The following LRFN2 variants were observed in gnomAD, a reference collection of about 807,000 sequenced individuals.
The protein encoded by LRFN2 is leucine rich repeat and fibronectin type III domain containing 2.
A neutral mutation model predicts 37.3 loss-of-function variants in LRFN2; 18 were observed. The ratio of observed to expected loss-of-function variants is 0.48; its 90% CI spans 0.33 to 0.72. The LOEUF (loss-of-function observed/expected upper bound fraction) is 0.72, where lower values mean the gene tolerates loss of function less well. Among genes scored for constraint, LRFN2 ranks in the 30% least tolerant of loss-of-function variants. The pLI is 0.02. For missense variants in LRFN2, 1,006 were observed against 1,060.7 expected (o/e 0.95, Z 0.72); for synonymous variants, 556 against 466.6 (o/e 1.19, Z -2.47).
intron 1 of LRFN2, among the ~76,000 whole-genome samples, chr6:40,539,882 A>G (rs1199252372): frequency 6.6e-6 from 1 of 151,800 alleles, no homozygotes; most frequent in Non-Finnish European, 1.5e-5. Context: ...ATGATTCCTG[A>G]CTCAGTTTCT....
intron 2 of LRFN2, among the ~76,000 whole-genome samples, chr6:40,404,006 C>G (rs993689426): frequency 3.3e-5 from 5 of 152,202 alleles, no homozygotes; most frequent in Non-Finnish European, 7.3e-5. Context: ...TGGCTGTTCC[C>G]TCTGCCTGGA....
chr6:40,497,509 T>C (rs1765261349), intron 1 of LRFN2, among the ~76,000 whole-genome samples: 1 of 152,220 alleles, frequency 6.6e-6, no homozygotes, highest in African/African-American at 2.4e-5. Flanking sequence ...GCACTCTGTT[T>C]TCTTCTTTTC....
At chr6:40,425,800 C>T (rs1763340412) in intron 2 of LRFN2, among the ~76,000 whole-genome samples, 1 of 152,248 alleles carries the variant, frequency 6.6e-6, no homozygotes, top group Non-Finnish European at 1.5e-5. Flanking sequence ...GCAGCCAGGA[C>T]TGTTAAATAA....
chr6:40,490,511 AT>A (rs1199786665), intron 1 of LRFN2, among the ~76,000 whole-genome samples: 16 of 152,176 alleles, frequency 1.1e-4, no homozygotes, highest in African/African-American at 3.9e-4. Flanking sequence ...AGGGGAAAAG[AT>A]TTTCAAGGCA....
chr6:40,444,963 A>G (rs563135336), intron 1 of LRFN2, among the ~76,000 whole-genome samples: 1 of 151,806 alleles, frequency 6.6e-6, no homozygotes, highest in South Asian at 2.1e-4. Context: ...CAAGAGCTGG[A>G]ACATTGCAGT....
intron 2 of LRFN2, among the ~76,000 whole-genome samples, chr6:40,398,159 A>T (rs2504828): frequency 0.98 from 148,096 of 151,764 alleles, 72,374 homozygotes; most frequent in East Asian, 1. Context: ...TGTGGGGCTG[A>T]CCTCTGCATC....
chr6:40,426,104 C>G (rs1460558948), intron 2 of LRFN2, among the ~76,000 whole-genome samples: 1 of 152,164 alleles, frequency 6.6e-6, no homozygotes, highest in African/African-American at 2.4e-5. Flanking sequence ...TTAAATGCAC[C>G]TTAACTCCAG....
chr6:40,431,641 C>T (rs1269007691), intron 2 of LRFN2, 73 bp downstream of exon 2: 3 of 1,370,690 alleles, frequency 2.2e-6, no homozygotes, highest in East Asian at 2.3e-5. Context: ...GGGAGCAGCC[C>T]CAAGACCTCC....
rs571795226 is a variant in LRFN2, at chr6:40,532,807, G to A, written c.-19+54134C>T. 4.6e-5 allele frequency among the ~76,000 whole-genome samples: 7 copies of A among 152,276 alleles called. No individual in the cohort carries two copies. In the East Asian group the frequency reaches 5.8e-4, roughly 13 times the overall value. The stretch of plus-strand genomic sequence containing the variant: ...ACTGGGATGGGAGCTCATTAAGGGC[G>A]GAACCCTGTCAATTTTGTACCTTGA... On this transcript the variant is annotated intron_variant, in intron 1 of 2. Coordinates refer to ENST00000338305, the MANE Select transcript of LRFN2 (RefSeq NM_020737.3).
intron 1 of LRFN2, among the ~76,000 whole-genome samples, chr6:40,435,048 T>TAGAG (rs1474351575): frequency 2.5e-3 from 177 of 71,076 alleles, no homozygotes; most frequent in South Asian, 3.5e-3. Flanking sequence ...TATATATATA[T>TAGAG]ATATAGAGAG....
chr6:40,495,545 T>A (rs529487065), intron 1 of LRFN2, among the ~76,000 whole-genome samples: 1 of 152,288 alleles, frequency 6.6e-6, no homozygotes, highest in East Asian at 1.9e-4. Context: ...AAAGCCAAGT[T>A]TCAGTCCTCA....
chr6:40,532,563 G>A (rs1189279609), intron 1 of LRFN2, among the ~76,000 whole-genome samples: 2 of 152,150 alleles, frequency 1.3e-5, no homozygotes, highest in Admixed American at 6.6e-5. Flanking sequence ...GTTGTCTGAT[G>A]CAAAAACCAT....
intron 1 of LRFN2, among the ~76,000 whole-genome samples, chr6:40,515,917 A>G (rs993829794): frequency 2.0e-5 from 3 of 148,788 alleles, no homozygotes; most frequent in Non-Finnish European, 4.5e-5. Flanking sequence ...AAAAAAAAGA[A>G]GTCTTCAACC....
intron 1 of LRFN2, among the ~76,000 whole-genome samples, chr6:40,467,631 G>A (rs972124324): frequency 2.0e-5 from 3 of 152,178 alleles, no homozygotes; most frequent in Admixed American, 2.0e-4. Flanking sequence ...GAGAGCCTGG[G>A]CATTGATCAA....
chr6:40,411,363 G>A (rs186487079), intron 2 of LRFN2, among the ~76,000 whole-genome samples: 18 of 152,358 alleles, frequency 1.2e-4, no homozygotes, highest in East Asian at 1.2e-3. Context: ...CAGTGTGTGC[G>A]TGTAGGTACG....
intron 1 of LRFN2, among the ~76,000 whole-genome samples, chr6:40,509,206 A>T (rs1411203988): frequency 2.0e-5 from 3 of 152,236 alleles, no homozygotes; most frequent in Non-Finnish European, 4.4e-5. Flanking sequence ...ATTCTGATAG[A>T]ACCTCTCACT....
chr6:40,392,120 A>C lies in LRFN2; in HGVS notation c.2193T>G (p.Ala731=). The C allele has an allele frequency of 6.2e-7, 1 of 1,613,100 alleles. No homozygotes were observed. Among genetic ancestry groups the C allele is most frequent in the African/African-American group, 1.3e-5 (1 of 75,032 alleles). ...CCGGCACGACCCCTCCCGCCGCCGC[A>C]GCAGCAAAGTCCCCCATGTCGAAGG... ...SHSFDMGDFA[A]AAAGGVVPGG... Residue 731 remains alanine (A), a synonymous_variant, in exon 3 of 3, where the codon GCT becomes GCG. Transcript: ENST00000338305. This position sits in a 1 kb window ranked among gnomAD's most constrained non-coding sequence, Gnocchi z 4.7.
rs533095108 is a variant in LRFN2 at position 40,408,182 on chromosome 6, A to T, written c.1401-15270T>A. Among the ~76,000 whole-genome samples, 3 of 152,360 alleles carry T rather than the reference A, an allele frequency of 2.0e-5. No individual in the cohort carries two copies. In the South Asian group the frequency reaches 6.2e-4, roughly 32 times the overall value. On this transcript the variant is annotated intron_variant, in intron 2 of 2. Transcript: ENST00000338305. ...GACTGCACAACAATATGATGTATTT[A>T]GTGCCAGTGAACTGTCCACTCAAAT...
chr6:40,445,297 G>A (rs1457763621), intron 1 of LRFN2, among the ~76,000 whole-genome samples: 1 of 152,192 alleles, frequency 6.6e-6, no homozygotes, highest in East Asian at 1.9e-4. Context: ...TTGAAGCCGA[G>A]GAAGCTTCCA....
Sources: gnomAD v4.1 joint callset for allele counts (sites outside exome capture counted in the v4.1 genomes callset) on GRCh38, gnomAD v4.1.1 for gene constraint, Gnocchi (gnomAD v3.1) non-coding constraint, MANE v1.5 for transcripts, NCBI Gene and HGNC (gene_info 2026-07-23, HGNC 2026-07-21) for gene names.